ARHGAP24: variants seen among roughly 807,000 people sequenced by gnomAD.
ARHGAP24 encodes Rho GTPase activating protein 24.
In ARHGAP24, 50 loss-of-function variants were observed where a neutral mutation model predicts 76.4. The ratio of observed to expected loss-of-function variants is 0.65; its 90% CI spans 0.52 to 0.83. The LOEUF is 0.83. ARHGAP24 is among the 40% of genes least tolerant of loss of function. The pLI is 0.00. For synonymous variants in ARHGAP24, 345 were observed against 323.3 expected, an observed-to-expected ratio of 1.07 and a Z score of -0.72; for missense variants, 930 against 914.2, an observed-to-expected ratio of 1.02 and a Z score of -0.22.
chr4:85,736,300 G>T (rs530027354), intron 3 of ARHGAP24, among the ~76,000 whole-genome samples: 13 of 152,082 alleles, frequency 8.5e-5, no homozygotes, highest in Admixed American at 7.9e-4. Flanking sequence ...ACTTTGTTTT[G>T]CTCATCATCT....
chr4:85,739,032 T>C (rs1056079070), intron 3 of ARHGAP24, among the ~76,000 whole-genome samples: 2 of 152,238 alleles, frequency 1.3e-5, no homozygotes, highest in Admixed American at 1.3e-4. Flanking sequence ...GATTGCCTTT[T>C]GATGTTATTA....
chr4:85,985,536 T>C (rs1432623518), intron 8 of ARHGAP24, among the ~76,000 whole-genome samples: 1 of 151,980 alleles, frequency 6.6e-6, no homozygotes, highest in Non-Finnish European at 1.5e-5. Context: ...GTACTAAGCT[T>C]CATACCTGGA....
At chr4:85,516,646 T>C (rs1199134751) in intron 1 of ARHGAP24, among the ~76,000 whole-genome samples, 1 of 151,020 alleles carries the variant, frequency 6.6e-6, no homozygotes, top group Non-Finnish European at 1.5e-5. Context: ...TGTGGGTTTT[T>C]TTCTTAATTT....
chr4:85,896,158 T>C (rs924575925), intron 3 of ARHGAP24, among the ~76,000 whole-genome samples: 1 of 152,226 alleles, frequency 6.6e-6, no homozygotes, highest in Non-Finnish European at 1.5e-5. Context: ...TTAAACTCAA[T>C]TTCTATGTTT....
chr4:85,818,337 C>A (rs1729330292), intron 3 of ARHGAP24, among the ~76,000 whole-genome samples: 1 of 152,180 alleles, frequency 6.6e-6, no homozygotes, highest in African/African-American at 2.4e-5. Context: ...GCCTGTCCAC[C>A]CGCACCACAG....
chr4:85,689,943 C>G (rs55880606), intron 2 of ARHGAP24, among the ~76,000 whole-genome samples: 4 of 124,334 alleles, frequency 3.2e-5, no homozygotes, highest in Non-Finnish European at 6.3e-5. Context: ...TCTTGTTCCA[C>G]TTCTCAGGGG....
intron 1 of ARHGAP24, among the ~76,000 whole-genome samples, chr4:85,526,500 T>C (rs912422984): frequency 2.0e-5 from 3 of 151,844 alleles, no homozygotes; most frequent in African/African-American, 7.3e-5. Context: ...AACTTAGTGA[T>C]TTGGGGTGTT....
chr4:85,489,527 T>C (rs1723276625), intron 1 of ARHGAP24, among the ~76,000 whole-genome samples: 1 of 152,190 alleles, frequency 6.6e-6, no homozygotes, highest in Non-Finnish European at 1.5e-5. Flanking sequence ...CAGTTGGCCC[T>C]GCAGCTCATG....
At chr4:85,608,551 G>GTTTTTTTTTTTTTTTT (rs141361475) in intron 2 of ARHGAP24, among the ~76,000 whole-genome samples, 1 of 73,184 alleles carries the variant, frequency 1.4e-5, no homozygotes, top group Admixed American at 2.0e-4. Flanking sequence ...TTGTTTGGTT[G>GTTTTTTTTTTTTTTTT]TTTTTTTTTT....
intron 3 of ARHGAP24, among the ~76,000 whole-genome samples, chr4:85,842,255 C>T (rs1730639237): frequency 6.6e-6 from 1 of 152,042 alleles, no homozygotes; most frequent in Admixed American, 6.6e-5. Context: ...CATGCAAATC[C>T]TACTCTCTCT....
chr4:85,824,293 T>A (rs1173468642), intron 3 of ARHGAP24, among the ~76,000 whole-genome samples: 1 of 152,214 alleles, frequency 6.6e-6, no homozygotes, highest in Non-Finnish European at 1.5e-5. Context: ...TGGAGTTGTT[T>A]CTAAGGCCTA....
intron 5 of ARHGAP24, among the ~76,000 whole-genome samples, chr4:85,954,557 G>A (rs150254514): frequency 1.8e-4 from 27 of 152,342 alleles, no homozygotes; most frequent in Middle Eastern, 6.8e-3. Context: ...TTTTACAAAT[G>A]AAGATCCTTG....
At chr4:85,719,515 T>A (rs1724851804) in intron 2 of ARHGAP24, among the ~76,000 whole-genome samples, 1 of 152,160 alleles carries the variant, frequency 6.6e-6, no homozygotes, top group Non-Finnish European at 1.5e-5. Flanking sequence ...GGTTGAAAAT[T>A]GAGTAAAATA....
intron 4 of ARHGAP24, among the ~76,000 whole-genome samples, chr4:85,932,910 C>T (rs1177469230): frequency 6.6e-6 from 1 of 152,126 alleles, no homozygotes; most frequent in Admixed American, 6.5e-5. Flanking sequence ...GCTGCAGCCC[C>T]AACCCGCCGC....
intron 2 of ARHGAP24, among the ~76,000 whole-genome samples, chr4:85,590,192 G>GCCTGCCTGCCTTCCTTCCTTCCTT (rs1560543834): frequency 4.5e-5 from 5 of 111,312 alleles, no homozygotes; most frequent in African/African-American, 1.7e-4. Flanking sequence ...CTGCCTGCCT[G>GCCTGCCTGCCTTCCTTCCTTCCTT]CCTTCCTTCC....
intron 2 of ARHGAP24, among the ~76,000 whole-genome samples, chr4:85,624,715 G>A (rs1303863858): frequency 6.6e-6 from 1 of 151,872 alleles, no homozygotes. Flanking sequence ...GACTTTTTTT[G>A]GTTGGTAAGC....
At chr4:85,868,672 C>T (rs1732348235) in intron 3 of ARHGAP24, among the ~76,000 whole-genome samples, 1 of 152,034 alleles carries the variant, frequency 6.6e-6, no homozygotes, top group African/African-American at 2.4e-5. Flanking sequence ...TGAGTATGGA[C>T]TTTAGTTAAT....
At chr4:85,885,546 G>A (rs895725720) in intron 3 of ARHGAP24, among the ~76,000 whole-genome samples, 1 of 150,226 alleles carries the variant, frequency 6.7e-6, no homozygotes, top group African/African-American at 2.5e-5. Context: ...GTCTCTGAAA[G>A]TTAAAAATTT....
chr4:85,735,896 A>G (rs956168694), intron 3 of ARHGAP24, among the ~76,000 whole-genome samples: 2 of 152,046 alleles, frequency 1.3e-5, no homozygotes, highest in Admixed American at 1.3e-4. Context: ...GTCACCTCCT[A>G]TTTTTTTAAA....
Sources: allele counts gnomAD v4.1 joint callset (sites outside exome capture counted in the v4.1 genomes callset), GRCh38; gene constraint gnomAD v4.1.1; transcripts MANE v1.5; gene names NCBI Gene and HGNC (gene_info 2026-07-23, HGNC 2026-07-21).